ANKRD11: variants seen among roughly 807,000 people sequenced by gnomAD.
ANKRD11 encodes the protein ankyrin repeat domain-containing protein 11.
In ANKRD11, 17 loss-of-function variants were observed where a neutral mutation model predicts 195.7. The observed-to-expected ratio is 0.09, with a 90% CI of 0.06 to 0.13. The LOEUF (loss-of-function observed/expected upper bound fraction) is 0.13. Ranked by LOEUF, ANKRD11 falls within the 10% of genes least tolerant of loss-of-function variation. ANKRD11 has a pLI of 1.00. For missense variants in ANKRD11, 3,735 were observed against 3,566.1 expected (o/e 1.05, Z -1.21); for synonymous variants, 1,953 against 1,528.1 (o/e 1.28, Z -6.49).
intron 1 of ANKRD11, among the ~76,000 whole-genome samples, chr16:89,430,404 A>G (rs562713798): frequency 2.9e-4 from 43 of 145,938 alleles, no homozygotes; most frequent in Middle Eastern, 3.6e-3. Context: ...CTCAACTCTC[A>G]CGCTCAGTCG....
At chr16:89,297,203 A>G (rs1255353093) in intron 4 of ANKRD11, among the ~76,000 whole-genome samples, 2 of 152,248 alleles carry the variant, frequency 1.3e-5, no homozygotes, top group Non-Finnish European at 2.9e-5. Context: ...TTTTCTAGCA[A>G]GAGTCTTTTA....
At chr16:89,439,172 T>C (rs1778267898) in intron 1 of ANKRD11, among the ~76,000 whole-genome samples, 1 of 152,154 alleles carries the variant, frequency 6.6e-6, no homozygotes, top group Admixed American at 6.5e-5. Flanking sequence ...AGAGTCTTCT[T>C]TCCTACCCGC....
At chr16:89,431,705 T>C (rs1480347071) in intron 1 of ANKRD11, among the ~76,000 whole-genome samples, 1 of 152,152 alleles carries the variant, frequency 6.6e-6, no homozygotes, top group Non-Finnish European at 1.5e-5. Context: ...CCTCTGGCTT[T>C]AACGACGTGC....
At chr16:89,369,607 G>A (rs533512528) in intron 2 of ANKRD11, among the ~76,000 whole-genome samples, 22 of 152,206 alleles carry the variant, frequency 1.4e-4, no homozygotes, top group Admixed American at 7.8e-4. Context: ...GAGGATCCTG[G>A]AAAGGGAGGG....
Position 89,428,461 on chromosome 16 carries a change from G to C in ANKRD11, c.-144-10093C>G, listed in dbSNP as rs539357986. On this transcript the variant is annotated intron_variant, in intron 1 of 12. Transcript: ENST00000301030. ...AAATGTTGTGAACCTGGGAGGCGGAGCTTGCAGTGAGCCGAGACTGCGCCC... is the reference window on the plus strand; with the variant it reads ...AAATGTTGTGAACCTGGGAGGCGGACCTTGCAGTGAGCCGAGACTGCGCCC... 4.6e-5 allele frequency among the ~76,000 whole-genome samples: 7 copies of C among 152,216 alleles called. No individual in the cohort carries two copies. The South Asian group carries it at 1.5e-3, about 32-fold the overall frequency.
chr16:89,270,655 C>T (rs960544672), intron 12 of ANKRD11, 162 bp downstream of exon 12: 30 of 745,978 alleles, frequency 4.0e-5, no homozygotes, highest in East Asian at 2.2e-4. Context: ...CTCACCTCCC[C>T]GAAAGCATCG....
chr16:89,325,605 T>C (rs1374273397), intron 2 of ANKRD11, among the ~76,000 whole-genome samples: 2 of 151,998 alleles, frequency 1.3e-5, no homozygotes, highest in African/African-American at 4.8e-5. Flanking sequence ...CCGCGAAGCG[T>C]GGAAAATGGC....
intron 1 of ANKRD11, among the ~76,000 whole-genome samples, chr16:89,465,764 G>A: frequency 6.6e-6 from 1 of 152,164 alleles, no homozygotes; most frequent in Non-Finnish European, 1.5e-5. Context: ...AGGCTGGAGT[G>A]CAGTGACACG....
chr16:89,270,935 C>T, intron 11 of ANKRD11, 26 bp from the exon 12 acceptor site: 1 of 1,611,960 alleles, frequency 6.2e-7, no homozygotes, highest in Non-Finnish European at 8.5e-7. Flanking sequence ...ACGGGAGTTT[C>T]ATCAGGAGCC....
At chr16:89,302,540 C>T (rs1401194298) in intron 4 of ANKRD11, among the ~76,000 whole-genome samples, 3 of 152,164 alleles carry the variant, frequency 2.0e-5, no homozygotes, top group Non-Finnish European at 2.9e-5. Flanking sequence ...CGTGAGCCAC[C>T]GCGCCTGGCT....
At chr16:89,296,511 C>T (rs2151826370) in intron 4 of ANKRD11, among the ~76,000 whole-genome samples, 1 of 152,330 alleles carries the variant, frequency 6.6e-6, no homozygotes, top group East Asian at 1.9e-4. Flanking sequence ...ATCATCTGCT[C>T]ACTGGGTTTT....
At chr16:89,382,603 C>A (rs1253366750) in intron 2 of ANKRD11, among the ~76,000 whole-genome samples, 1 of 152,050 alleles carries the variant, frequency 6.6e-6, no homozygotes, top group Admixed American at 6.6e-5. Context: ...TCCCAAAGTG[C>A]TGAGATTACA....
At chr16:89,424,511 T>C (rs951880843) in intron 1 of ANKRD11, among the ~76,000 whole-genome samples, 1 of 151,942 alleles carries the variant, frequency 6.6e-6, no homozygotes, top group Non-Finnish European at 1.5e-5. Context: ...AGCCCAGTCT[T>C]TGGGTGTGGA....
chr16:89,315,241 A>C lies in ANKRD11; in HGVS notation c.87+1692T>G, dbSNP rs144288083. ...GGGGCGAGGCCTGAGCTGTATGCAA[A>C]GTATTCTGCACCCTTGCAGAGCTGG... is the stretch of plus-strand genomic sequence containing the variant. On this transcript the variant is annotated intron_variant, in intron 3 of 12. Transcript: ENST00000301030. Among the ~76,000 whole-genome samples the C allele has an allele frequency of 4.4e-3, 667 of 152,258 alleles. 1 individual carries two copies. Among genetic ancestry groups the C allele is most frequent in the Middle Eastern group, 0.014 (4 of 294 alleles).
chr16:89,309,192 A>G (rs1437315547), intron 3 of ANKRD11, among the ~76,000 whole-genome samples: 1 of 152,218 alleles, frequency 6.6e-6, no homozygotes, highest in African/African-American at 2.4e-5. Context: ...TTCTTGGGGC[A>G]CACTGGCTCA....
chr16:89,280,709 C>G lies in ANKRD11; in HGVS notation c.5833G>C (p.Glu1945Gln). 1.2e-6 allele frequency: 2 copies of G among 1,613,308 alleles called. No individual in the cohort carries two copies. Among genetic ancestry groups the G allele is most frequent in the Non-Finnish European group, 1.7e-6 (2 of 1,179,902 alleles). The change falls in exon 9 of 13, where the codon GAG becomes CAG. Residue 1945 changes from glutamate (E) to glutamine (Q), a missense_variant. Transcript: ENST00000301030. ...DEGPFSAVITEEPVEWAHPSE... is the reference protein window; with the variant it reads ...DEGPFSAVITQEPVEWAHPSE... ...GGGTGGGCCCACTCAACGGGCTCCT[C>G]GGTGATGACGGCGCTGAAGGGACCC...
intron 1 of ANKRD11, among the ~76,000 whole-genome samples, chr16:89,479,221 T>C (rs777158201): frequency 9.9e-5 from 15 of 151,942 alleles, no homozygotes; most frequent in South Asian, 8.3e-4. Context: ...TAGAAAAACA[T>C]TAATGACGGC....
At chr16:89,276,534 C>T (rs973990396) in intron 9 of ANKRD11, among the ~76,000 whole-genome samples, 39 of 152,200 alleles carry the variant, frequency 2.6e-4, no homozygotes, top group African/African-American at 8.4e-4. Context: ...TAAGAAGCAT[C>T]ATCGCAGGCC....
intron 2 of ANKRD11, among the ~76,000 whole-genome samples, chr16:89,371,625 CAT>C (rs2040197634): frequency 6.6e-6 from 1 of 152,184 alleles, no homozygotes; most frequent in Non-Finnish European, 1.5e-5. Context: ...TCCCTGCCCA[CAT>C]GACGACACCC....
Sources: gnomAD v4.1 joint callset for allele counts (sites outside exome capture counted in the v4.1 genomes callset) on GRCh38, gnomAD v4.1.1 for gene constraint, MANE v1.5 for transcripts, NCBI Gene and HGNC (gene_info 2026-07-23, HGNC 2026-07-21) for gene names.